CHRNA3: variants seen among roughly 807,000 people sequenced by gnomAD.
CHRNA3 encodes the protein neuronal acetylcholine receptor subunit alpha-3.
CHRNA3 carries 34 observed loss-of-function variants against 41.9 expected under a neutral mutation model. The ratio of observed to expected loss-of-function variants is 0.81; its 90% CI spans 0.62 to 1.08. The LOEUF is 1.08. CHRNA3 is among the 50% of genes least tolerant of loss of function. The pLI, the probability that CHRNA3 is intolerant of heterozygous loss-of-function variation, is 0.00. For missense variants in CHRNA3, 542 were observed against 638.3 expected (o/e 0.85, Z 1.63); for synonymous variants, 281 against 265.2 (o/e 1.06, Z -0.58).
At chr15:78,618,020 G>A (rs1464858466) in intron 3 of CHRNA3, among the ~76,000 whole-genome samples, 2 of 152,220 alleles carry the variant, frequency 1.3e-5, no homozygotes, top group African/African-American at 2.4e-5. Flanking sequence ...GCTGAGGTGT[G>A]TGGTTTGCTT....
chr15:78,606,003 C>T (rs774154739), intron 4 of CHRNA3, among the ~76,000 whole-genome samples: 2 of 151,932 alleles, frequency 1.3e-5, no homozygotes, highest in Non-Finnish European at 2.9e-5. Context: ...ACAAGAGCAA[C>T]GAAGCTTTAT....
chr15:78,609,526 G>A (rs560180429), intron 4 of CHRNA3, among the ~76,000 whole-genome samples: 235 of 152,284 alleles, frequency 1.5e-3, no homozygotes, highest in African/African-American at 5.3e-3. Flanking sequence ...ACAAGCAAAT[G>A]CTGAGAGATT....
chr15:78,615,677 T>C (rs1376904342), intron 4 of CHRNA3, among the ~76,000 whole-genome samples: 1 of 151,644 alleles, frequency 6.6e-6, no homozygotes, highest in Non-Finnish European at 1.5e-5. Flanking sequence ...ACGTAATACA[T>C]ATTAACTTTA....
chr15:78,618,360 T>C (rs911734194), intron 3 of CHRNA3: 19 of 525,814 alleles, frequency 3.6e-5, no homozygotes, highest in South Asian at 3.1e-4. Context: ...TGTGTGAACA[T>C]GGAGAATGTC....
chr15:78,604,666 C>G (rs906149209), intron 4 of CHRNA3, among the ~76,000 whole-genome samples: 1 of 152,144 alleles, frequency 6.6e-6, no homozygotes, highest in African/African-American at 2.4e-5. Flanking sequence ...TGGCACAGCA[C>G]CAGCCTCATA....
Position 78,602,276 on chromosome 15 carries a change from AAG to A in CHRNA3, c.378-14_378-13del, listed in dbSNP as rs750198240. 6.2e-6 allele frequency: 10 copies of A among 1,610,176 alleles called. No homozygotes were observed. The highest frequency in any genetic ancestry group is 1.7e-4 in the Middle Eastern group (1 of 6,038). On this transcript the variant is annotated splice_polypyrimidine_tract_variant and intron_variant, in intron 4 of 5. Coordinates refer to ENST00000326828, the MANE Select transcript of CHRNA3 (RefSeq NM_000743.5). ...AATCCCCAACAGCACTGCAAAGACAAAGAGGGGGCACAGTGACACACGGTCAT... is the reference window on the plus strand; with the variant it reads ...AATCCCCAACAGCACTGCAAAGACAAAGGGGGCACAGTGACACACGGTCAT...
downstream of CHRNA3, chr15:78,595,265 C>T (rs71528569): frequency 8.1e-6 from 8 of 983,304 alleles, no homozygotes; most frequent in African/African-American, 1.7e-5. Flanking sequence ...AAATTTTTAT[C>T]GACATCTTTC....
chr15:78,594,052 TAAC>T (rs1459169632), downstream of CHRNA3: 2 of 152,010 alleles, frequency 1.3e-5, no homozygotes, highest in East Asian at 3.9e-4. Context: ...ATAATAATAA[TAAC>T]AACAACTTAA....
chr15:78,613,807 G>T (rs183884499), intron 4 of CHRNA3, among the ~76,000 whole-genome samples: 1 of 151,146 alleles, frequency 6.6e-6, no homozygotes. Flanking sequence ...TTAGCCAGGC[G>T]TGGTGGCGGG....
downstream of CHRNA3, chr15:78,593,232 T>A (rs76071148): frequency 8.3e-3 from 13,395 of 1,610,914 alleles, 1,529 homozygotes; most frequent in East Asian, 0.26. Context: ...TACCAGTTCA[T>A]ATTGGAAATG....
chr15:78,605,308 T>C (rs893600130), intron 4 of CHRNA3, among the ~76,000 whole-genome samples: 50 of 152,032 alleles, frequency 3.3e-4, no homozygotes, highest in African/African-American at 1.0e-3. Flanking sequence ...TCTGATCACA[T>C]TGTCAACAAA....
intron 4 of CHRNA3, among the ~76,000 whole-genome samples, chr15:78,613,763 AAC>A (rs1193068861): frequency 3.0e-3 from 240 of 79,370 alleles, no homozygotes; most frequent in African/African-American, 0.015. Flanking sequence ...GTGGCAAACA[AAC>A]AAAAAAAAAA....
At chr15:78,603,622 C>A (rs1264795138) in intron 4 of CHRNA3, among the ~76,000 whole-genome samples, 1 of 152,166 alleles carries the variant, frequency 6.6e-6, no homozygotes, top group East Asian at 1.9e-4. Context: ...CCTTGTGCTG[C>A]TGTAATTGGA....
chr15:78,613,026 T>A (rs979386722), intron 4 of CHRNA3, among the ~76,000 whole-genome samples: 3 of 152,048 alleles, frequency 2.0e-5, no homozygotes, highest in Non-Finnish European at 4.4e-5. Context: ...TGAGATACCA[T>A]CTCACACCAG....
rs1480670747 is a variant in CHRNA3 at position 78,620,732 on chromosome 15, C to T, written c.63G>A (p.Leu21=). Residue 21 remains leucine, a synonymous_variant, in exon 1 of 6, where the codon CTG becomes CTA. Transcript: ENST00000326828. ...ALSPPRLLLL[L]LLSLLPVARA... is the part of the protein sequence containing the mutation. The stretch of plus-strand genomic sequence containing the variant: ...GCGTACCTGGCAGCAGAGACAGCAG[C>T]AGCAGCAGCAGCAGCCGCGGCGGCG... 2.0e-6 allele frequency: 3 copies of T among 1,491,234 alleles called. No individual in the cohort carries two copies. The highest frequency in any genetic ancestry group is 1.2e-5 in the South Asian group (1 of 80,292). 92.4% of individuals were successfully genotyped at this position (1,491,234 alleles called of 1,614,324 possible).
downstream of CHRNA3, chr15:78,594,085 A>C (rs1395197161): frequency 2.0e-5 from 3 of 152,176 alleles, no homozygotes; most frequent in African/African-American, 7.2e-5. Context: ...GCTTTTCCAT[A>C]ACCAACATTT....
At chr15:78,615,248 C>G (rs1488941336) in intron 4 of CHRNA3, among the ~76,000 whole-genome samples, 1 of 152,186 alleles carries the variant, frequency 6.6e-6, no homozygotes, top group Non-Finnish European at 1.5e-5. Context: ...CAGACCTTTT[C>G]CCAGTGGGAG....
Position 78,596,411 on chromosome 15 carries a change from T to C in CHRNA3, c.*193A>G. The stretch of plus-strand genomic sequence containing the variant: ...CCATACCAAAAAGGCTAGTTAAATG[T>C]TCATTTATCGGTAATAAATACTCTT... On this transcript the variant is annotated 3_prime_UTR_variant, in exon 6 of 6. Coordinates refer to ENST00000326828, the MANE Select transcript of CHRNA3 (RefSeq NM_000743.5). The C allele has an allele frequency of 7.9e-7, 1 of 1,258,274 alleles. No individual in the cohort carries two copies. Among genetic ancestry groups the C allele is most frequent in the Non-Finnish European group, 1.0e-6 (1 of 1,002,562 alleles). The allele number at this position is 1,258,274 out of a possible 1,614,324, so 77.9% of individuals were successfully genotyped here.
Position 78,602,027 on chromosome 15 carries a change from G to A in CHRNA3, c.615C>T (p.Gly205=), listed in dbSNP as rs1012439879. The A allele has an allele frequency of 2.5e-6, 4 of 1,613,412 alleles. No individual in the cohort carries two copies. Among genetic ancestry groups the A allele is most frequent in the South Asian group, 1.1e-5 (1 of 91,060 alleles). The change falls in exon 5 of 6, where the codon GGC becomes GGT. Residue 205 remains glycine (G), a synonymous_variant. Transcript: ENST00000326828. ...SMNLKDYWES[G]EWAIIKAPGY... is the part of the protein sequence containing the mutation. ...CTGGGGCTTTGATGATGGCCCACTC[G>A]CCGCTCTCCCAATAGTCCTTGAGGT...
Sources: allele counts gnomAD v4.1 joint callset (sites outside exome capture counted in the v4.1 genomes callset), GRCh38; gene constraint gnomAD v4.1.1; transcripts MANE v1.5; gene names NCBI Gene and HGNC (gene_info 2026-07-23, HGNC 2026-07-21).